The following MYO3B variants were observed in gnomAD, a reference collection of about 807,000 sequenced individuals.
The protein encoded by MYO3B is myosin-IIIb.
Under a neutral mutation model 174.6 loss-of-function variants are expected in MYO3B, and 156 were observed. The observed-to-expected ratio is 0.89, with a 90% CI of 0.78 to 1.02. The LOEUF is 1.02. Among genes scored for constraint, MYO3B ranks in the 50% least tolerant of loss-of-function variants. MYO3B has a pLI of 0.00. For missense variants in MYO3B, 1,632 were observed against 1,639.4 expected (o/e 1.00, Z 0.08); for synonymous variants, 563 against 569.1 (o/e 0.99, Z 0.15).
At chr2:170,262,961 T>C (rs1055045496) in intron 7 of MYO3B, among the ~76,000 whole-genome samples, 1 of 152,224 alleles carries the variant, frequency 6.6e-6, no homozygotes, top group Non-Finnish European at 1.5e-5. Flanking sequence ...AAACATGATT[T>C]TGACGTTACC....
intron 7 of MYO3B, among the ~76,000 whole-genome samples, chr2:170,257,564 A>C (rs2093315016): frequency 6.6e-6 from 1 of 152,162 alleles, no homozygotes; most frequent in Admixed American, 6.5e-5. Context: ...AACATACCAA[A>C]ATTTCTGGGA....
intron 25 of MYO3B, among the ~76,000 whole-genome samples, chr2:170,476,459 GT>G (rs1685327208): frequency 6.6e-6 from 1 of 152,114 alleles, no homozygotes; most frequent in African/African-American, 2.4e-5. Flanking sequence ...GTTTTATTGA[GT>G]GGTGGAAGTG....
chr2:170,509,887 C>A (rs963661386), intron 28 of MYO3B, among the ~76,000 whole-genome samples: 4 of 152,160 alleles, frequency 2.6e-5, no homozygotes, highest in Non-Finnish European at 5.9e-5. Flanking sequence ...ATGTTTAACC[C>A]ACAGTGACGG....
chr2:170,644,296 T>C (rs937498088), intron 32 of MYO3B, among the ~76,000 whole-genome samples: 12 of 152,040 alleles, frequency 7.9e-5, no homozygotes, highest in African/African-American at 2.2e-4. Flanking sequence ...TTTTTTTTTT[T>C]CTTTTTTGAG....
intron 32 of MYO3B, among the ~76,000 whole-genome samples, chr2:170,545,758 T>C (rs1248865909): frequency 2.6e-5 from 4 of 152,226 alleles, no homozygotes; most frequent in African/African-American, 9.6e-5. Context: ...TGATTTTCTA[T>C]TGGGTCTGCC....
At position 170,612,055 on chromosome 2, in the gene MYO3B, C is replaced by T. The variant is rs373258902; in HGVS notation, c.3734-39573C>T. ...AGAACAACAGTGGACTGCCTGGCCA[C>T]ACCTTCCCTTGATACCTGGGCATGA... On this transcript the variant is annotated intron_variant, in intron 32 of 34. Coordinates refer to ENST00000408978, the MANE Select transcript of MYO3B (RefSeq NM_138995.5). Among the ~76,000 whole-genome samples, 4 of 152,192 alleles carry T rather than the reference C, an allele frequency of 2.6e-5. No homozygotes were observed. The East Asian group carries it at 5.8e-4, about 22-fold the overall frequency.
In MYO3B at chr2:170,507,222, T is replaced by C. The variant is rs568009990; in HGVS notation, c.3370+5357T>C. Among the ~76,000 whole-genome samples, 169 of 152,252 alleles carry C rather than the reference T, an allele frequency of 1.1e-3. 1 individual carries two copies. The highest frequency in any genetic ancestry group is 4.0e-3 in the African/African-American group (165 of 41,552). On this transcript the variant is annotated intron_variant, in intron 28 of 34. Coordinates refer to ENST00000408978, the MANE Select transcript of MYO3B (RefSeq NM_138995.5). ...TGGTGCACCTGAGCTTGAGATGCACTGTGAACTGCAAACTAGCCCTCCCCA... is the reference window on the plus strand; with the variant it reads ...TGGTGCACCTGAGCTTGAGATGCACCGTGAACTGCAAACTAGCCCTCCCCA...
intron 32 of MYO3B, among the ~76,000 whole-genome samples, chr2:170,650,256 T>C (rs563623702): frequency 3.3e-5 from 5 of 151,732 alleles, no homozygotes; most frequent in Non-Finnish European, 7.4e-5. Context: ...TGGGTTCTGA[T>C]AGTCTTGTCC....
At chr2:170,534,933 C>T (rs940150969) in intron 30 of MYO3B, among the ~76,000 whole-genome samples, 2 of 152,116 alleles carry the variant, frequency 1.3e-5, no homozygotes, top group African/African-American at 2.4e-5. Flanking sequence ...CTTTTGAAAC[C>T]GTATTCAGGG....
At chr2:170,241,435 C>T (rs2105310315) in intron 7 of MYO3B, among the ~76,000 whole-genome samples, 1 of 152,322 alleles carries the variant, frequency 6.6e-6, no homozygotes, top group Admixed American at 6.5e-5. Context: ...GCACAATCCA[C>T]TGGGAACTTG....
intron 6 of MYO3B, among the ~76,000 whole-genome samples, chr2:170,234,170 C>CAAAAA (rs71006078): frequency 4.1e-5 from 2 of 48,570 alleles, no homozygotes; most frequent in East Asian, 5.0e-4. Context: ...GACTCCGTCT[C>CAAAAA]AAAAAAAAAA....
In MYO3B at chr2:170,534,457, G is replaced by C. The variant is rs544155596; in HGVS notation, c.3576-8449G>C. Among the ~76,000 whole-genome samples the C allele has an allele frequency of 5.3e-5, 8 of 152,164 alleles. No homozygotes were observed. In the East Asian group the frequency reaches 1.5e-3, roughly 29 times the overall value. The stretch of plus-strand genomic sequence containing the variant: ...GGGTGTCCTGTTTTTTTGTTTGTTT[G>C]TTTGTTGAGACAGGGCCTCACTCTG... On this transcript the variant is annotated intron_variant, in intron 30 of 34. Coordinates refer to ENST00000408978, the MANE Select transcript of MYO3B (RefSeq NM_138995.5).
intron 25 of MYO3B, among the ~76,000 whole-genome samples, chr2:170,477,326 C>A (rs1685379575): frequency 6.6e-6 from 1 of 152,144 alleles, no homozygotes; most frequent in African/African-American, 2.4e-5. Flanking sequence ...AGTTGTTGCT[C>A]CATCCTCTGT....
chr2:170,625,370 T>A (rs982330685), intron 32 of MYO3B, among the ~76,000 whole-genome samples: 2 of 152,224 alleles, frequency 1.3e-5, no homozygotes, highest in African/African-American at 2.4e-5. Flanking sequence ...GTTTATAGTA[T>A]TCTCTGATGG....
At chr2:170,509,348 C>A (rs752682373) in intron 28 of MYO3B, among the ~76,000 whole-genome samples, 6 of 152,014 alleles carry the variant, frequency 3.9e-5, no homozygotes, top group Non-Finnish European at 5.9e-5. Context: ...CACGGTGAGA[C>A]CCTGTCTCAA....
chr2:170,270,759 G>A (rs951521038), intron 7 of MYO3B, among the ~76,000 whole-genome samples: 2 of 152,178 alleles, frequency 1.3e-5, no homozygotes, highest in Admixed American at 6.5e-5. Context: ...GAGGGTTGGA[G>A]GTGTGACCCC....
intron 6 of MYO3B, among the ~76,000 whole-genome samples, chr2:170,219,583 G>T (rs1280665081): frequency 6.6e-6 from 1 of 151,968 alleles, no homozygotes. Context: ...GGCAGAGGTT[G>T]CAGTGAGCAG....
At chr2:170,631,026 A>G in intron 32 of MYO3B, among the ~76,000 whole-genome samples, 1 of 152,246 alleles carries the variant, frequency 6.6e-6, no homozygotes, top group Non-Finnish European at 1.5e-5. Context: ...GCTCCTTGCC[A>G]GCAACAGAAC....
At chr2:170,405,083 A>G (rs1344939) in intron 20 of MYO3B, among the ~76,000 whole-genome samples, 138,600 of 152,292 alleles carry the variant, frequency 0.91, 63,426 homozygotes, top group Middle Eastern at 0.98. Flanking sequence ...CCACAATAGC[A>G]AAGATCGTGT....
Sources: allele counts gnomAD v4.1 joint callset (sites outside exome capture counted in the v4.1 genomes callset), GRCh38; gene constraint gnomAD v4.1.1; transcripts MANE v1.5; gene names NCBI Gene and HGNC (gene_info 2026-07-23, HGNC 2026-07-21).